Variants in QKI observed in about 807,000 individuals in gnomAD.
QKI encodes the protein KH domain-containing RNA-binding protein QKI.
QKI carries 10 observed loss-of-function variants against 39.0 expected under a neutral mutation model. The observed-to-expected ratio is 0.26, with a 90% CI of 0.16 to 0.43. The LOEUF (loss-of-function observed/expected upper bound fraction) is 0.43. Ranked by LOEUF, QKI falls within the 20% of genes least tolerant of loss-of-function variation. QKI has a pLI of 1.00. For missense variants in QKI, 218 were observed against 428.0 expected (o/e 0.51, Z 4.33); for synonymous variants, 204 against 155.4 (o/e 1.31, Z -2.33).
chr6:163,541,646 A>G (rs1486689324), intron 4 of QKI, among the ~76,000 whole-genome samples: 4 of 152,028 alleles, frequency 2.6e-5, no homozygotes, highest in Admixed American at 2.6e-4. Flanking sequence ...ATGTACATGC[A>G]TGCATATCTA....
intron 3 of QKI, among the ~76,000 whole-genome samples, chr6:163,524,334 ATAAAT>A (rs1238518099): frequency 4.2e-5 from 5 of 119,252 alleles, no homozygotes; most frequent in African/African-American, 1.3e-4. Flanking sequence ...TGGTTAAAAA[ATAAAT>A]TATCTTAAGC....
At chr6:163,451,483 T>C (rs1341066324) in intron 1 of QKI, among the ~76,000 whole-genome samples, 1 of 152,230 alleles carries the variant, frequency 6.6e-6, no homozygotes, top group African/African-American at 2.4e-5. Context: ...TTCCAATGTT[T>C]ATGGGGCTGC....
At position 163,574,815 on chromosome 6, in the gene QKI, A is replaced by G. The variant is rs1030692007; in HGVS notation, c.*4105A>G. ...TGAATTTTTGCATTTGTAAATAACA[A>G]TTTATCTTTGTAAATTACATTTTAT... On this transcript the variant is annotated 3_prime_UTR_variant, in exon 8 of 8. Transcript: ENST00000361752. The G allele has an allele frequency of 5.9e-5, 9 of 152,182 alleles. No individual in the cohort carries two copies. Among genetic ancestry groups the G allele is most frequent in the Admixed American group, 6.5e-5 (1 of 15,276 alleles). 9.4% of individuals were successfully genotyped at this position (152,182 alleles called of 1,614,324 possible).
chr6:163,520,428 A>T (rs558838025), intron 3 of QKI, among the ~76,000 whole-genome samples: 4 of 152,250 alleles, frequency 2.6e-5, no homozygotes, highest in South Asian at 2.1e-4. Flanking sequence ...GATTTTTTTT[A>T]AAATAGTGTT....
intron 4 of QKI, among the ~76,000 whole-genome samples, chr6:163,536,742 A>G (rs1266700508): frequency 6.6e-6 from 1 of 152,224 alleles, no homozygotes; most frequent in African/African-American, 2.4e-5. Flanking sequence ...CAGTTCCTTC[A>G]TCTTCACTAT....
chr6:163,532,527 G>A (rs1484894399), intron 3 of QKI, among the ~76,000 whole-genome samples: 2 of 152,178 alleles, frequency 1.3e-5, no homozygotes, highest in African/African-American at 4.8e-5. Context: ...AATAATTTAA[G>A]GCATTTGGTC....
At chr6:163,431,496 C>A (rs1299411853) in intron 1 of QKI, among the ~76,000 whole-genome samples, 16 of 66,002 alleles carry the variant, frequency 2.4e-4, no homozygotes, top group Non-Finnish European at 4.5e-5. Context: ...TGGTTTACAT[C>A]TACATTTTTT....
intron 1 of QKI, among the ~76,000 whole-genome samples, chr6:163,426,503 T>G (rs1160106812): frequency 6.6e-6 from 1 of 151,814 alleles, no homozygotes; most frequent in Non-Finnish European, 1.5e-5. Flanking sequence ...TTAAAGGTAG[T>G]TTTTTTTGTT....
chr6:163,465,017 A>G (rs1791628101), intron 2 of QKI, among the ~76,000 whole-genome samples: 1 of 152,212 alleles, frequency 6.6e-6, no homozygotes, highest in South Asian at 2.1e-4. Context: ...CTGAATGTAA[A>G]AATGGTTCAA....
At chr6:163,416,172 C>T (rs1322620199) in intron 1 of QKI, 17 of 347,438 alleles carry the variant, frequency 4.9e-5, no homozygotes, top group Non-Finnish European at 9.7e-5. Flanking sequence ...GTTTGTAGGA[C>T]AGGGTTTCGA....
chr6:163,566,478 G>C (rs1783367839), intron 6 of QKI: 1 of 1,331,630 alleles, frequency 7.5e-7, no homozygotes, highest in African/African-American at 1.5e-5. Context: ...TGTAACTTGG[G>C]GATTGTAAAT....
In QKI at chr6:163,512,678, A is replaced by G. The variant is rs1779557088; in HGVS notation, c.403-22304A>G. Among the ~76,000 whole-genome samples, 2 of 152,152 alleles carry G rather than the reference A, an allele frequency of 1.3e-5. 1 individual carries two copies. The highest frequency in any genetic ancestry group is 4.1e-4 in the South Asian group (2 of 4,830). On this transcript the variant is annotated intron_variant, in intron 3 of 7. Transcript: ENST00000361752. ...ATTATCAAAAAGAACATTGCATCCA[A>G]CAATGACACTATTTACATTATTTTA...
intron 1 of QKI, among the ~76,000 whole-genome samples, chr6:163,454,309 A>T (rs191527434): frequency 3.4e-4 from 51 of 151,982 alleles, no homozygotes; most frequent in South Asian, 1.0e-3. Flanking sequence ...TCCTACTTTT[A>T]AAAAAAATGT....
intron 1 of QKI, among the ~76,000 whole-genome samples, chr6:163,428,621 A>C (rs1396006243): frequency 6.6e-6 from 1 of 152,194 alleles, no homozygotes; most frequent in African/African-American, 2.4e-5. Context: ...TAAATACTAC[A>C]TAGATTGCTT....
chr6:163,439,905 C>T lies in QKI; in HGVS notation c.143-15374C>T, dbSNP rs192302774. Reference sequence around the variant, plus strand: ...TCTCAAGTGATCTGCCTGCCTTGGCCTCCCAAAGTGCTGGAATTACAGACG... The same window carrying T: ...TCTCAAGTGATCTGCCTGCCTTGGCTTCCCAAAGTGCTGGAATTACAGACG... On this transcript the variant is annotated intron_variant, in intron 1 of 7. Coordinates refer to ENST00000361752, the MANE Select transcript of QKI (RefSeq NM_006775.3). 1.3e-3 allele frequency among the ~76,000 whole-genome samples: 202 copies of T among 152,256 alleles called. 1 individual carries two copies. The highest frequency in any genetic ancestry group is 2.4e-3 in the Non-Finnish European group (161 of 68,012).
Position 163,574,420 on chromosome 6 carries a change from C to T in QKI, c.*3710C>T, listed in dbSNP as rs762086427. 1.3e-5 allele frequency: 2 copies of T among 152,180 alleles called. No homozygotes were observed. The highest frequency in any genetic ancestry group is 2.9e-5 in the Non-Finnish European group (2 of 68,026). The allele number at this position is 152,180 out of a possible 1,614,324, so 9.4% of individuals were successfully genotyped here. The stretch of plus-strand genomic sequence containing the variant: ...TTGGGTAAAGTCAAAGGCCCACTGG[C>T]TGTTTCTCATGGTGGCCTGAAGCCC... On this transcript the variant is annotated 3_prime_UTR_variant, in exon 8 of 8. Coordinates refer to ENST00000361752, the MANE Select transcript of QKI (RefSeq NM_006775.3).
intron 3 of QKI, among the ~76,000 whole-genome samples, chr6:163,527,898 C>A (rs766190630): frequency 6.6e-6 from 1 of 151,992 alleles, no homozygotes; most frequent in African/African-American, 2.4e-5. Context: ...CTCACCTATT[C>A]GAAACTTTAA....
chr6:163,491,358 TC>T (rs1226013615), intron 3 of QKI, among the ~76,000 whole-genome samples: 2 of 152,192 alleles, frequency 1.3e-5, no homozygotes, highest in Admixed American at 6.5e-5. Context: ...AGGCTGCACT[TC>T]CGGCCGCACT....
chr6:163,561,678 T>C (rs755808753), intron 4 of QKI, among the ~76,000 whole-genome samples: 24 of 152,228 alleles, frequency 1.6e-4, no homozygotes, highest in Non-Finnish European at 2.8e-4. Flanking sequence ...ATGTTTAGTC[T>C]TATCTCACAT....
Sources: gnomAD v4.1 joint callset for allele counts (sites outside exome capture counted in the v4.1 genomes callset) on GRCh38, gnomAD v4.1.1 for gene constraint, MANE v1.5 for transcripts, NCBI Gene and HGNC (gene_info 2026-07-23, HGNC 2026-07-21) for gene names.